The following ADGRD2 variants were observed in gnomAD, a reference collection of about 807,000 sequenced individuals.
ADGRD2 encodes adhesion G protein-coupled receptor D2.
ADGRD2 carries 71 observed loss-of-function variants against 44.4 expected under a neutral mutation model. The observed-to-expected ratio is 1.60, with a 90% CI of 1.32 to 1.95. The LOEUF is 1.95. Ranked by LOEUF, ADGRD2 falls within the 30% of genes most tolerant of loss-of-function variation. ADGRD2 has a pLI of 0.00. For missense variants in ADGRD2, 1,039 were observed against 512.4 expected (o/e 2.03, Z -9.92); for synonymous variants, 481 against 224.8 (o/e 2.14, Z -10.19).
At chr9:124,457,529 C>T (rs756313832) in exon 8 of ADGRD2, 14 of 688,370 alleles carry the variant, frequency 2.0e-5, no homozygotes, top group Non-Finnish European at 3.5e-5. Context: ...TGCTTATTCA[C>T]AATGCCTGGT....
At chr9:124,468,723 C>T (rs377279468) in intron 14 of ADGRD2, 51 bp downstream of exon 17, 16 of 669,212 alleles carry the variant, frequency 2.4e-5, no homozygotes, top group East Asian at 1.6e-4. Flanking sequence ...GTACCTTGCA[C>T]GGCCGACCCT....
intron 13 of ADGRD2, 24 bp from the exon 17 acceptor site, chr9:124,468,495 G>T (rs1564142347): frequency 2.8e-6 from 2 of 718,112 alleles, no homozygotes; most frequent in East Asian, 5.4e-5. Flanking sequence ...TCGGACCTGG[G>T]TGGGGATCCT....
intron 17 of ADGRD2, among the ~76,000 whole-genome samples, chr9:124,473,170 G>T (rs1025306211): frequency 2.0e-5 from 3 of 152,192 alleles, no homozygotes; most frequent in Non-Finnish European, 4.4e-5. Context: ...TCAGTCTTGG[G>T]CATAAGCTAG....
At chr9:124,452,559 G>C in exon 2 of ADGRD2, 1 of 718,572 alleles carries the variant, frequency 1.4e-6, no homozygotes, top group African/African-American at 1.7e-5. Flanking sequence ...GGGTGTGCAA[G>C]TTCTCTGGAC....
chr9:124,471,760 C>A (rs899177533), intron 17 of ADGRD2, among the ~76,000 whole-genome samples: 1 of 152,236 alleles, frequency 6.6e-6, no homozygotes, highest in African/African-American at 2.4e-5. Context: ...CAGTGTGTGC[C>A]AGGCACTGTG....
intron 19 of ADGRD2, 107 bp downstream of exon 22, chr9:124,475,722 G>C (rs1380335544): frequency 3.6e-6 from 2 of 560,098 alleles, no homozygotes. Flanking sequence ...CCAGCTGGGG[G>C]ACCAGCCTGA....
intron 17 of ADGRD2, among the ~76,000 whole-genome samples, chr9:124,472,511 TG>T: frequency 6.6e-6 from 1 of 151,876 alleles, no homozygotes; most frequent in African/African-American, 2.4e-5. Flanking sequence ...TGTTTTGTTT[TG>T]TTTTGTTTTT....
intron 21 of ADGRD2, among the ~76,000 whole-genome samples, chr9:124,477,547 C>T (rs1832071857): frequency 6.6e-6 from 1 of 152,228 alleles, no homozygotes; most frequent in Non-Finnish European, 1.5e-5. Flanking sequence ...AAGGCGCAGC[C>T]GCTAGCCAGA....
At chr9:124,466,015 C>T in intron 10 of ADGRD2, 1 of 331,604 alleles carries the variant, frequency 3.0e-6, no homozygotes. Context: ...AACCTTGGTC[C>T]CAGTGGCTCA....
At chr9:124,469,524 G>A in exon 16 of ADGRD2, 1 of 718,116 alleles carries the variant, frequency 1.4e-6, no homozygotes, top group Non-Finnish European at 2.6e-6. Flanking sequence ...CCTGCCTGCA[G>A]CAGCAGATCT....
At position 124,457,626 on chromosome 9, in the gene ADGRD2, T is replaced by A. The variant is rs779033715; in HGVS notation, c.1640+20T>A. 3.3e-6 allele frequency: 2 copies of A among 598,958 alleles called. No individual in the cohort carries two copies. Among genetic ancestry groups the A allele is most frequent in the South Asian group, 4.0e-5 (2 of 50,632 alleles). 37.1% of individuals were successfully genotyped at this position (598,958 alleles called of 1,614,324 possible). A position where few individuals can be genotyped will look rare whatever the true frequency, so the allele number is the denominator to read the frequency against. On this transcript the variant is annotated intron_variant, in intron 8 of 21. Transcript: ENST00000334810. ...GGAAAGGTGGGTGAGGATGAGGGGGTGTCCAGAGCCCTGTTGGGTTCTGGG... is the reference window on the plus strand; with the variant it reads ...GGAAAGGTGGGTGAGGATGAGGGGGAGTCCAGAGCCCTGTTGGGTTCTGGG...
chr9:124,458,782 C>G (rs1831669553), intron 10 of ADGRD2, 61 bp downstream of exon 13: 1 of 700,410 alleles, frequency 1.4e-6, no homozygotes, highest in Non-Finnish European at 2.7e-6. Context: ...TTCAGTTCCC[C>G]CAACCCCCAG....
chr9:124,451,997 G>GCCCCCCCCCCCACCCCC, upstream of ADGRD2: 1 of 360,938 alleles, frequency 2.8e-6, no homozygotes, highest in Non-Finnish European at 5.5e-6. Flanking sequence ...TCCACTGAAT[G>GCCCCCCCCCCCACCCCC]CCCCCCTCCC....
In ADGRD2 at chr9:124,462,929, C is replaced by T. The variant is rs552633174; in HGVS notation, c.1871-3329C>T. Among the ~76,000 whole-genome samples, 641 of 151,166 alleles carry T rather than the reference C, an allele frequency of 4.2e-3. 10 individuals are homozygous for T. Among genetic ancestry groups the T allele is most frequent in the African/African-American group, 0.015 (602 of 41,170 alleles). ...TTCCTTCCTTCCTGACTTTCTCTCTCTCTCTTTCTCTCTCTCTCCTTCCTT... is the reference window on the plus strand; with the variant it reads ...TTCCTTCCTTCCTGACTTTCTCTCTTTCTCTTTCTCTCTCTCTCCTTCCTT... On this transcript the variant is annotated intron_variant, in intron 10 of 21. Coordinates refer to ENST00000334810, the Ensembl canonical transcript of ADGRD2.
At chr9:124,468,694 C>T (rs1461204935) in intron 14 of ADGRD2, 22 bp downstream of exon 17, 1 of 704,006 alleles carries the variant, frequency 1.4e-6, no homozygotes, top group South Asian at 1.5e-5. Flanking sequence ...TCTGCACCCA[C>T]ACTCTCTTCT....
At chr9:124,462,099 C>G (rs1044264719) in intron 10 of ADGRD2, among the ~76,000 whole-genome samples, 34 of 151,706 alleles carry the variant, frequency 2.2e-4, no homozygotes, top group African/African-American at 8.0e-4. Flanking sequence ...ATTTTGTTGC[C>G]CAGGCTGGAG....
At chr9:124,457,588 A>G in exon 8 of ADGRD2, 1 of 664,596 alleles carries the variant, frequency 1.5e-6, no homozygotes, top group South Asian at 1.6e-5. Context: ...GAGTGAAGTG[A>G]GGCGACTCCT....
chr9:124,472,472 T>A (rs917122188), intron 17 of ADGRD2, among the ~76,000 whole-genome samples: 3 of 120,534 alleles, frequency 2.5e-5, no homozygotes, highest in Admixed American at 9.6e-5. Context: ...TGTTTGTTTT[T>A]TGTTTTTGTT....
chr9:124,463,874 G>A (rs1262574520), intron 10 of ADGRD2, among the ~76,000 whole-genome samples: 1 of 151,958 alleles, frequency 6.6e-6, no homozygotes, highest in Non-Finnish European at 1.5e-5. Flanking sequence ...CTCTCCCTCT[G>A]TTGCCCAGGC....
Sources: gnomAD v4.1 joint callset for allele counts (sites outside exome capture counted in the v4.1 genomes callset) on GRCh38, gnomAD v4.1.1 for gene constraint, MANE v1.5 for transcripts, NCBI Gene and HGNC (gene_info 2026-07-23, HGNC 2026-07-21) for gene names.